C8orf34: variants seen among roughly 807,000 people sequenced by gnomAD.
C8orf34 encodes the protein uncharacterized protein C8orf34.
In C8orf34, 65 loss-of-function variants were observed where a neutral mutation model predicts 68.3. That is an observed-to-expected ratio of 0.95 (90% confidence interval 0.78 to 1.17). C8orf34 has a LOEUF of 1.17. C8orf34 is among the 50% of genes most tolerant of loss of function. The pLI, the probability that C8orf34 is intolerant of heterozygous loss-of-function variation, is 0.00. For missense variants in C8orf34, 664 were observed against 655.4 expected (o/e 1.01, Z -0.14); for synonymous variants, 244 against 241.2 (o/e 1.01, Z -0.11).
intron 1 of C8orf34, among the ~76,000 whole-genome samples, chr8:68,385,125 A>G (rs1808206334): frequency 6.6e-6 from 1 of 152,186 alleles, no homozygotes; most frequent in Non-Finnish European, 1.5e-5. Context: ...TAATAAGCCA[A>G]TACCTCACCA....
At chr8:68,721,100 C>T (rs562161684) in intron 9 of C8orf34, among the ~76,000 whole-genome samples, 2 of 152,028 alleles carry the variant, frequency 1.3e-5, no homozygotes, top group Non-Finnish European at 1.5e-5. Context: ...AAATATCTTG[C>T]TTTATTTGTA....
At chr8:68,463,407 C>T (rs1418075374) in intron 3 of C8orf34, among the ~76,000 whole-genome samples, 3 of 152,016 alleles carry the variant, frequency 2.0e-5, no homozygotes, top group Admixed American at 6.6e-5. Flanking sequence ...TTCCAATCAA[C>T]AGAAAAAGAG....
At chr8:68,531,610 C>A (rs539665527) in intron 6 of C8orf34, among the ~76,000 whole-genome samples, 2 of 152,236 alleles carry the variant, frequency 1.3e-5, no homozygotes, top group East Asian at 3.9e-4. Context: ...TAAGTTTGAT[C>A]ACTTGGTTAA....
At chr8:68,345,383 G>T (rs1228293204) in intron 1 of C8orf34, among the ~76,000 whole-genome samples, 1 of 151,722 alleles carries the variant, frequency 6.6e-6, no homozygotes, top group Non-Finnish European at 1.5e-5. Flanking sequence ...AAACTTTTAT[G>T]CCCATAAAGT....
intron 8 of C8orf34, among the ~76,000 whole-genome samples, chr8:68,680,267 T>G (rs1820327963): frequency 6.6e-6 from 1 of 152,212 alleles, no homozygotes; most frequent in South Asian, 2.1e-4. Flanking sequence ...TGAATAGATA[T>G]TTCTCAAAAG....
chr8:68,455,539 T>C (rs989000615), intron 3 of C8orf34, among the ~76,000 whole-genome samples: 18 of 152,184 alleles, frequency 1.2e-4, no homozygotes, highest in Non-Finnish European at 2.5e-4. Flanking sequence ...TTTTGTTTGA[T>C]ATTAGGGCAG....
At chr8:68,504,973 C>T (rs1338692396) in intron 5 of C8orf34, among the ~76,000 whole-genome samples, 1 of 152,084 alleles carries the variant, frequency 6.6e-6, no homozygotes, top group African/African-American at 2.4e-5. Context: ...GCCACCATGC[C>T]TGGCCTAAGT....
intron 1 of C8orf34, among the ~76,000 whole-genome samples, chr8:68,431,679 C>T (rs1268392311): frequency 2.6e-5 from 4 of 152,152 alleles, no homozygotes; most frequent in African/African-American, 4.8e-5. Context: ...CAATTATTAA[C>T]CTGAGAAGAC....
At chr8:68,697,217 G>T (rs1392119525) in intron 8 of C8orf34, among the ~76,000 whole-genome samples, 1 of 151,710 alleles carries the variant, frequency 6.6e-6, no homozygotes, top group Non-Finnish European at 1.5e-5. Context: ...TTTATTTGCT[G>T]TATTTCTTCT....
At chr8:68,367,715 C>G (rs935791383) in intron 1 of C8orf34, among the ~76,000 whole-genome samples, 1 of 136,750 alleles carries the variant, frequency 7.3e-6, no homozygotes, top group African/African-American at 2.8e-5. Flanking sequence ...CACATGGACA[C>G]AAGAAAGGGA....
intron 7 of C8orf34, among the ~76,000 whole-genome samples, chr8:68,631,155 A>C (rs922654184): frequency 6.6e-6 from 1 of 151,638 alleles, no homozygotes; most frequent in Non-Finnish European, 1.5e-5. Context: ...GCAGCTACTC[A>C]GGAGGCTGAG....
intron 7 of C8orf34, among the ~76,000 whole-genome samples, chr8:68,588,351 T>C (rs950417275): frequency 6.6e-6 from 1 of 152,058 alleles, no homozygotes; most frequent in South Asian, 2.1e-4. Context: ...ATAAAGCATA[T>C]AGTATATAGG....
Position 68,375,494 on chromosome 8 carries a change from C to T in C8orf34, c.327+44155C>T, listed in dbSNP as rs762985594. Among the ~76,000 whole-genome samples, 9 of 152,280 alleles carry T rather than the reference C, an allele frequency of 5.9e-5. No individual in the cohort carries two copies. The South Asian group carries it at 6.2e-4, about 11-fold the overall frequency. The stretch of plus-strand genomic sequence containing the variant: ...CCATTAAATGGACATGCACAAGCAT[C>T]GTTGCAATAGAAACTCATATAGAAT... On this transcript the variant is annotated intron_variant, in intron 1 of 13. Coordinates refer to ENST00000518698, the MANE Select transcript of C8orf34 (RefSeq NM_052958.4).
rs577732036 is a variant in C8orf34 at position 68,576,150 on chromosome 8, A to G, written c.1105+43001A>G. 1.3e-4 allele frequency among the ~76,000 whole-genome samples: 19 copies of G among 147,914 alleles called. No homozygotes were observed. The South Asian group carries it at 2.1e-3, about 16-fold the overall frequency. ...AATTAAATATTCTTTTTACACACAC[A>G]CACACACACATACACACCCACACAA... On this transcript the variant is annotated intron_variant, in intron 7 of 13. Transcript: ENST00000518698.
chr8:68,467,933 A>T (rs1030553047), intron 3 of C8orf34, among the ~76,000 whole-genome samples: 1 of 151,982 alleles, frequency 6.6e-6, no homozygotes, highest in South Asian at 2.1e-4. Flanking sequence ...TTTTAAAAAA[A>T]ATATGCCTCG....
chr8:68,512,726 A>G (rs1814329234), intron 5 of C8orf34, among the ~76,000 whole-genome samples: 1 of 151,916 alleles, frequency 6.6e-6, no homozygotes, highest in Admixed American at 6.6e-5. Flanking sequence ...TCTAATTTAA[A>G]GCAGTCCTTT....
chr8:68,782,863 T>C (rs770066767), intron 11 of C8orf34, among the ~76,000 whole-genome samples: 6 of 151,322 alleles, frequency 4.0e-5, no homozygotes, highest in Non-Finnish European at 7.4e-5. Flanking sequence ...TGAAGACCAG[T>C]CTGGGCAACG....
intron 1 of C8orf34, among the ~76,000 whole-genome samples, chr8:68,406,687 G>T (rs1429372030): frequency 2.0e-5 from 3 of 151,870 alleles, no homozygotes; most frequent in Admixed American, 6.6e-5. Context: ...GTAGAGACAG[G>T]GTTTCGCCAT....
At chr8:68,560,124 GGGAGTCACCTGATTCT>G (rs1452206589) in intron 7 of C8orf34, among the ~76,000 whole-genome samples, 1 of 150,270 alleles carries the variant, frequency 6.7e-6, no homozygotes, top group Non-Finnish European at 1.5e-5. Context: ...GGATAAGCAA[GGGAGTCACCTGATTCT>G]GGTGTTTTTT....
Sources: allele counts gnomAD v4.1 joint callset (sites outside exome capture counted in the v4.1 genomes callset), GRCh38; gene constraint gnomAD v4.1.1; transcripts MANE v1.5; gene names NCBI Gene and HGNC (gene_info 2026-07-23, HGNC 2026-07-21).